Variants in KCND3 observed in about 807,000 individuals in gnomAD.
KCND3 encodes potassium voltage-gated channel subfamily D member 3.
A neutral mutation model predicts 51.1 loss-of-function variants in KCND3; 9 were observed. That is an observed-to-expected ratio of 0.18 (90% confidence interval 0.11 to 0.31). The LOEUF (loss-of-function observed/expected upper bound fraction) is 0.31, where lower values mean the gene tolerates loss of function less well. KCND3 is among the 10% of genes least tolerant of loss of function. The pLI is 1.00. For missense variants in KCND3, 526 were observed against 903.8 expected (o/e 0.58, Z 5.36); for synonymous variants, 349 against 368.0 (o/e 0.95, Z 0.59).
chr1:111,897,593 G>A (rs1039987963), intron 2 of KCND3, among the ~76,000 whole-genome samples: 4 of 152,230 alleles, frequency 2.6e-5, no homozygotes, highest in Non-Finnish European at 5.9e-5. Context: ...CCTATGTGGG[G>A]CCAGGTAGGG....
intron 2 of KCND3, among the ~76,000 whole-genome samples, chr1:111,862,558 T>C (rs1668383582): frequency 6.6e-6 from 1 of 152,250 alleles, no homozygotes; most frequent in Non-Finnish European, 1.5e-5. Flanking sequence ...TGTGGATCTG[T>C]GGCCATTAGT....
intron 2 of KCND3, among the ~76,000 whole-genome samples, chr1:111,829,562 G>T (rs370209224): frequency 1.3e-5 from 2 of 152,134 alleles, no homozygotes; most frequent in Non-Finnish European, 2.9e-5. Flanking sequence ...TTTCAGATAC[G>T]CTGACTTTGA....
chr1:111,832,427 C>T (rs1159263642), intron 2 of KCND3, among the ~76,000 whole-genome samples: 1 of 152,154 alleles, frequency 6.6e-6, no homozygotes, highest in Non-Finnish European at 1.5e-5. Flanking sequence ...TCGACCAAAG[C>T]CATCTGTAAT....
chr1:111,775,260 A>G lies in KCND3; in HGVS notation c.*817T>C, dbSNP rs1221908582. 6.6e-6 allele frequency: 1 copy of G among 152,536 alleles called. No individual in the cohort carries two copies. The highest frequency in any genetic ancestry group is 6.5e-5 in the Admixed American group (1 of 15,298). 9.4% of individuals were successfully genotyped at this position (152,536 alleles called of 1,614,324 possible). ...CAGGATCATTGGGATCCAGGTAGAG[A>G]CAGATGGCTGGACACAGAAACAGCT... is the stretch of plus-strand genomic sequence containing the variant. On this transcript the variant is annotated 3_prime_UTR_variant, in exon 8 of 8. Transcript: ENST00000302127.
At chr1:111,828,449 A>C (rs2078337) in intron 2 of KCND3, among the ~76,000 whole-genome samples, 83,856 of 152,038 alleles carry the variant, frequency 0.55, 25,033 homozygotes, top group Non-Finnish European at 0.66. Flanking sequence ...ATTAGTCACC[A>C]GTGCAAACCC....
In KCND3 at chr1:111,774,186, G is replaced by A. The variant is rs568855118; in HGVS notation, c.*1891C>T. ...TTGAACCTACAGGGTCAATCGAGCT[G>A]GGGTCATAGGGAAGCCCACGAAGGG... On this transcript the variant is annotated 3_prime_UTR_variant, in exon 8 of 8. Coordinates refer to ENST00000302127, the MANE Select transcript of KCND3 (RefSeq NM_001378969.1). 1.4e-4 allele frequency: 21 copies of A among 152,376 alleles called. No homozygotes were observed. Among genetic ancestry groups the A allele is most frequent in the African/African-American group, 4.6e-4 (19 of 41,568 alleles). The allele number at this position is 152,376 out of a possible 1,614,324, so 9.4% of individuals were successfully genotyped here. A position where few individuals can be genotyped will look rare whatever the true frequency, so the allele number is the denominator to read the frequency against.
At chr1:111,922,188 G>A (rs1005202786) in intron 2 of KCND3, among the ~76,000 whole-genome samples, 8 of 152,224 alleles carry the variant, frequency 5.3e-5, no homozygotes, top group African/African-American at 1.4e-4. Flanking sequence ...TTTAATTCAT[G>A]AGCAGGGCGG....
At chr1:111,874,190 C>A (rs548693273) in intron 2 of KCND3, among the ~76,000 whole-genome samples, 1 of 152,276 alleles carries the variant, frequency 6.6e-6, no homozygotes, top group African/African-American at 2.4e-5. Flanking sequence ...ATCTATGTAT[C>A]CCACTACACA....
chr1:111,935,034 A>G (rs1252444124), intron 2 of KCND3, among the ~76,000 whole-genome samples: 1 of 152,220 alleles, frequency 6.6e-6, no homozygotes, highest in Non-Finnish European at 1.5e-5. Flanking sequence ...TAAACTGAGT[A>G]ATCACTGGAG....
At position 111,929,144 on chromosome 1, in the gene KCND3, G is replaced by A. The variant is rs138089867; in HGVS notation, c.1106+52477C>T. The stretch of plus-strand genomic sequence containing the variant: ...AACTGAGAACCCTAAGGAGAAATCA[G>A]GTATTCTCACACCAACCAGCCCACG... On this transcript the variant is annotated intron_variant, in intron 2 of 7. Transcript: ENST00000302127. Among the ~76,000 whole-genome samples the A allele has an allele frequency of 3.0e-3, 450 of 152,314 alleles. 2 individuals are homozygous for A. The highest frequency in any genetic ancestry group is 3.7e-3 in the Non-Finnish European group (251 of 68,022).
intron 2 of KCND3, among the ~76,000 whole-genome samples, chr1:111,901,490 A>G (rs1236932092): frequency 1.3e-5 from 2 of 152,214 alleles, no homozygotes; most frequent in African/African-American, 4.8e-5. Flanking sequence ...ACAAATATTC[A>G]TAGTGCACTG....
chr1:111,881,168 A>G (rs1669289714), intron 2 of KCND3, among the ~76,000 whole-genome samples: 1 of 152,200 alleles, frequency 6.6e-6, no homozygotes, highest in Non-Finnish European at 1.5e-5. Context: ...CATCCAGGCC[A>G]TCAAACACAC....
intron 2 of KCND3, among the ~76,000 whole-genome samples, chr1:111,924,132 C>T (rs1036719319): frequency 6.6e-6 from 1 of 152,252 alleles, no homozygotes; most frequent in South Asian, 2.1e-4. Flanking sequence ...ACTATTCATT[C>T]ATATCCACTC....
At chr1:111,905,947 C>T (rs1670632311) in intron 2 of KCND3, among the ~76,000 whole-genome samples, 1 of 152,330 alleles carries the variant, frequency 6.6e-6, no homozygotes, top group African/African-American at 2.4e-5. Flanking sequence ...CCCTGCATCT[C>T]TGTGAGAGGG....
chr1:111,938,454 G>C (rs1672324173), intron 2 of KCND3, among the ~76,000 whole-genome samples: 2 of 152,178 alleles, frequency 1.3e-5, no homozygotes, highest in Non-Finnish European at 2.9e-5. Context: ...TGAAGTCCCT[G>C]CTTTCTTGGA....
chr1:111,947,438 A>G (rs572508256), intron 2 of KCND3, among the ~76,000 whole-genome samples: 86 of 152,364 alleles, frequency 5.6e-4, no homozygotes, highest in Non-Finnish European at 1.0e-3. Context: ...TTTCTCAAAC[A>G]TCTCAATTAA....
intron 2 of KCND3, among the ~76,000 whole-genome samples, chr1:111,820,311 G>A (rs2101595636): frequency 6.6e-6 from 1 of 152,236 alleles, no homozygotes; most frequent in African/African-American, 2.4e-5. Flanking sequence ...CATTTCAAAT[G>A]TCTATTCCAT....
chr1:111,888,805 G>T (rs978048920), intron 2 of KCND3, among the ~76,000 whole-genome samples: 1 of 152,016 alleles, frequency 6.6e-6, no homozygotes, highest in African/African-American at 2.4e-5. Context: ...CAATGGAGAA[G>T]GAGCAGCACA....
intron 2 of KCND3, among the ~76,000 whole-genome samples, chr1:111,837,325 C>A (rs1177174648): frequency 6.6e-6 from 1 of 152,138 alleles, no homozygotes; most frequent in Non-Finnish European, 1.5e-5. Flanking sequence ...CTCTGAGATA[C>A]CAGATATCCT....
Sources: gnomAD v4.1 joint callset for allele counts (sites outside exome capture counted in the v4.1 genomes callset) on GRCh38, gnomAD v4.1.1 for gene constraint, MANE v1.5 for transcripts, NCBI Gene and HGNC (gene_info 2026-07-23, HGNC 2026-07-21) for gene names.